SEPTIN9: variants seen among roughly 807,000 people sequenced by gnomAD.
The protein encoded by SEPTIN9 is septin-9.
A neutral mutation model predicts 56.6 loss-of-function variants in SEPTIN9; 13 were observed. The observed-to-expected ratio is 0.23, with a 90% CI of 0.15 to 0.37. The LOEUF is 0.37. SEPTIN9 is among the 10% of genes least tolerant of loss of function. The pLI is 1.00. For missense variants in SEPTIN9, 650 were observed against 823.1 expected, an observed-to-expected ratio of 0.79 and a Z score of 2.57; for synonymous variants, 332 against 334.1, an observed-to-expected ratio of 0.99 and a Z score of 0.07.
At position 77,492,020 on chromosome 17, in the gene SEPTIN9, C is replaced by T. The variant is rs1016958162; in HGVS notation, c.1381-601C>T. Among the ~76,000 whole-genome samples the T allele has an allele frequency of 4.6e-5, 7 of 152,014 alleles. No homozygotes were observed. The highest frequency in any genetic ancestry group is 8.8e-5 in the Non-Finnish European group (6 of 68,012). ...CTGGGCTGCGGCACCACATCTGCCTCGGTGGGTGTGGGTGGGGCCTGTAAC... is the reference window on the plus strand; with the variant it reads ...CTGGGCTGCGGCACCACATCTGCCTTGGTGGGTGTGGGTGGGGCCTGTAAC... On this transcript the variant is annotated intron_variant, in intron 8 of 11. Coordinates refer to ENST00000427177, the MANE Select transcript of SEPTIN9 (RefSeq NM_001113491.2). This position sits in a 1 kb window ranked among gnomAD's most constrained non-coding sequence, Gnocchi z 5.4.
chr17:77,378,424 G>A (rs2143946948), intron 2 of SEPTIN9, among the ~76,000 whole-genome samples: 1 of 152,300 alleles, frequency 6.6e-6, no homozygotes, highest in Non-Finnish European at 1.5e-5. Flanking sequence ...GTTGCTGGGG[G>A]ACTCTGAGAT....
chr17:77,354,865 T>A (rs1198575424), intron 2 of SEPTIN9, among the ~76,000 whole-genome samples: 2 of 152,032 alleles, frequency 1.3e-5, no homozygotes, highest in African/African-American at 4.8e-5. Context: ...TGCTCTTCAG[T>A]CATCTTGCCC....
chr17:77,454,986 A>G (rs2038132881), intron 3 of SEPTIN9, among the ~76,000 whole-genome samples: 1 of 150,432 alleles, frequency 6.6e-6, no homozygotes, highest in Non-Finnish European at 1.5e-5. Flanking sequence ...GAAAAGTGGC[A>G]GAGGTGATGG....
At chr17:77,424,294 A>AG (rs1049099878) in intron 3 of SEPTIN9, among the ~76,000 whole-genome samples, 7 of 152,274 alleles carry the variant, frequency 4.6e-5, no homozygotes, top group Non-Finnish European at 1.0e-4. Context: ...CTGTGAACAC[A>AG]GGGCTGCTTG....
intron 2 of SEPTIN9, among the ~76,000 whole-genome samples, chr17:77,390,856 A>G (rs2035517683): frequency 6.6e-6 from 1 of 152,188 alleles, no homozygotes; most frequent in Non-Finnish European, 1.5e-5. Flanking sequence ...GCGACCGTAT[A>G]ACTTACTGTC....
intron 3 of SEPTIN9, among the ~76,000 whole-genome samples, chr17:77,409,043 T>C (rs1311079251): frequency 6.6e-6 from 1 of 152,120 alleles, no homozygotes; most frequent in African/African-American, 2.4e-5. Flanking sequence ...GTGCTTCTGC[T>C]TCTGGAGGTG....
intron 3 of SEPTIN9, among the ~76,000 whole-genome samples, chr17:77,441,079 C>G (rs1446870970): frequency 1.3e-5 from 2 of 152,206 alleles, no homozygotes. Context: ...TTCTCAGCCT[C>G]TGGTGTGCTG....
intron 3 of SEPTIN9, among the ~76,000 whole-genome samples, chr17:77,459,197 C>G (rs943601965): frequency 6.6e-6 from 1 of 152,230 alleles, no homozygotes; most frequent in Non-Finnish European, 1.5e-5. Flanking sequence ...AGACCACTTG[C>G]CTAAAGTCCC....
chr17:77,379,478 T>C (rs2035063121), intron 2 of SEPTIN9, among the ~76,000 whole-genome samples: 1 of 152,202 alleles, frequency 6.6e-6, no homozygotes, highest in African/African-American at 2.4e-5. Context: ...CTTCTCAGCC[T>C]GGCAACCTGT....
chr17:77,385,065 C>T (rs1331202137), intron 2 of SEPTIN9, among the ~76,000 whole-genome samples: 2 of 151,984 alleles, frequency 1.3e-5, no homozygotes, highest in Non-Finnish European at 2.9e-5. Flanking sequence ...AGTTCATGGG[C>T]TCGTGCCCGT....
At position 77,495,047 on chromosome 17, in the gene SEPTIN9, G is replaced by T. The variant is rs1218578300; in HGVS notation, c.1573+1971G>T. ...TTTAGGAAACTTTTTATGAAAGGCA[G>T]GTTTGGGAGAGTTAGGGATGGATGG... is the stretch of plus-strand genomic sequence containing the variant. On this transcript the variant is annotated intron_variant, in intron 10 of 11. Transcript: ENST00000427177. Among the ~76,000 whole-genome samples, 6 of 152,228 alleles carry T rather than the reference G, an allele frequency of 3.9e-5. No homozygotes were observed. In the East Asian group the frequency reaches 1.2e-3, roughly 29 times the overall value.
rs957109305 is a variant in SEPTIN9 at position 77,488,090 on chromosome 17, C to T, written c.1043-150C>T. 3.0e-5 allele frequency: 22 copies of T among 722,704 alleles called. No individual in the cohort carries two copies. The Admixed American group carries it at 3.1e-4, about 10-fold the overall frequency. 44.8% of individuals were successfully genotyped at this position (722,704 alleles called of 1,614,324 possible). A position where few individuals can be genotyped will look rare whatever the true frequency, so the allele number is the denominator to read the frequency against. ...CAGGGGAACCGTCACCGGCCTGTGC[C>T]GGAGTTGGCTGAGGAAGGCCATTAA... On this transcript the variant is annotated intron_variant, in intron 5 of 11. Coordinates refer to ENST00000427177, the MANE Select transcript of SEPTIN9 (RefSeq NM_001113491.2).
chr17:77,423,108 TC>T (rs1448994330), intron 3 of SEPTIN9, among the ~76,000 whole-genome samples: 1 of 152,138 alleles, frequency 6.6e-6, no homozygotes, highest in Non-Finnish European at 1.5e-5. Flanking sequence ...TGATATCCAC[TC>T]ATGGCAACCT....
rs894043624 is a variant in SEPTIN9 at position 77,319,548 on chromosome 17, G to A, written c.76+12351G>A. On this transcript the variant is annotated intron_variant, in intron 2 of 11. Coordinates refer to ENST00000427177, the MANE Select transcript of SEPTIN9 (RefSeq NM_001113491.2). This position sits in a 1 kb window ranked among gnomAD's most constrained non-coding sequence, Gnocchi z 5.3. The stretch of plus-strand genomic sequence containing the variant: ...TCACTGCAGACTAATGGGACGGAGG[G>A]GGGTGACTTCTCAGGGTTCCTCCTG... The A allele has an allele frequency of 9.5e-7, 1 of 1,052,762 alleles. No homozygotes were observed. Among genetic ancestry groups the A allele is most frequent in the Admixed American group, 5.5e-5 (1 of 18,236 alleles). The allele number at this position is 1,052,762 out of a possible 1,614,324, so 65.2% of individuals were successfully genotyped here.
chr17:77,388,810 C>CTTTTTTTTTTTTTTTTTTTTTT (rs5822196), intron 2 of SEPTIN9, among the ~76,000 whole-genome samples: 4 of 78,054 alleles, frequency 5.1e-5, no homozygotes, highest in African/African-American at 1.8e-4. Context: ...GTGTTAGGCG[C>CTTTTTTTTTTTTTTTTTTTTTT]TTTTTTTTTT....
At chr17:77,333,252 A>G (rs533149624) in intron 2 of SEPTIN9, among the ~76,000 whole-genome samples, 40 of 152,282 alleles carry the variant, frequency 2.6e-4, no homozygotes, top group Non-Finnish European at 5.1e-4. Flanking sequence ...GGCTCTTCAT[A>G]TATTTTTCCT....
intron 1 of SEPTIN9, among the ~76,000 whole-genome samples, chr17:77,283,610 CT>C (rs2031137551): frequency 6.6e-6 from 1 of 152,152 alleles, no homozygotes. Context: ...ACAGGAAGGT[CT>C]TTATTTTTTC....
At chr17:77,299,528 C>T (rs1269571658) in intron 1 of SEPTIN9, among the ~76,000 whole-genome samples, 2 of 152,208 alleles carry the variant, frequency 1.3e-5, no homozygotes, top group Admixed American at 1.3e-4. Flanking sequence ...ATGATCATGC[C>T]ACTGAGCTCC....
chr17:77,450,438 C>A lies in SEPTIN9; in HGVS notation c.722-31706C>A. On this transcript the variant is annotated intron_variant, in intron 3 of 11. Transcript: ENST00000427177. This position sits in a 1 kb window ranked among gnomAD's most constrained non-coding sequence, Gnocchi z 6.0. ...AAGGCTTCTTTCCATTTGAGTGAAT[C>A]CCTCCCAGCCCCCAGCAAGCCCTCG... 1.0e-6 allele frequency: 1 copy of A among 971,176 alleles called. No individual in the cohort carries two copies. Among genetic ancestry groups the A allele is most frequent in the African/African-American group, 1.8e-5 (1 of 57,046 alleles). 60.2% of individuals were successfully genotyped at this position (971,176 alleles called of 1,614,324 possible). A position where few individuals can be genotyped will look rare whatever the true frequency, so the allele number is the denominator to read the frequency against.
Sources: allele counts gnomAD v4.1 joint callset (sites outside exome capture counted in the v4.1 genomes callset), GRCh38; gene constraint gnomAD v4.1.1; non-coding constraint Gnocchi (gnomAD v3.1); transcripts MANE v1.5; gene names NCBI Gene and HGNC (gene_info 2026-07-23, HGNC 2026-07-21).